Variants in BRD7 observed in about 807,000 individuals in gnomAD.
The protein encoded by BRD7 is bromodomain-containing protein 7.
Under a neutral mutation model 82.1 loss-of-function variants are expected in BRD7, and 15 were observed. The observed-to-expected ratio is 0.18, with a 90% CI of 0.12 to 0.28. The LOEUF (loss-of-function observed/expected upper bound fraction) is 0.28. BRD7 is among the 10% of genes least tolerant of loss of function. The probability of loss-of-function intolerance (pLI) is 1.00; values close to 1 mark genes in which losing one functional copy is unlikely to be tolerated. For missense variants in BRD7, 638 were observed against 779.9 expected, an observed-to-expected ratio of 0.82 and a Z score of 2.17; for synonymous variants, 232 against 266.9, an observed-to-expected ratio of 0.87 and a Z score of 1.27.
chr16:50,363,660 T>TGTGTGCGCGCGC (rs138025982), intron 2 of BRD7, among the ~76,000 whole-genome samples: 1 of 102,512 alleles, frequency 9.8e-6, no homozygotes, highest in South Asian at 2.9e-4. Flanking sequence ...TGTGTGTGTG[T>TGTGTGCGCGCGC]GCGCGCGCGC....
At chr16:50,341,928 T>TCACA (rs375793137) in intron 5 of BRD7, among the ~76,000 whole-genome samples, 10,232 of 143,504 alleles carry the variant, frequency 0.071, 569 homozygotes, top group African/African-American at 0.16. Context: ...TGCACACTTT[T>TCACA]CACACACACA....
chr16:50,342,931 AC>A (rs1241008802), intron 5 of BRD7, among the ~76,000 whole-genome samples: 3 of 152,166 alleles, frequency 2.0e-5, no homozygotes, highest in Non-Finnish European at 4.4e-5. Context: ...ATCAACACAC[AC>A]CAGGACACTC....
chr16:50,363,566 A>G (rs1221000253), intron 2 of BRD7, among the ~76,000 whole-genome samples: 1 of 152,236 alleles, frequency 6.6e-6, no homozygotes, highest in Non-Finnish European at 1.5e-5. Context: ...ATATAGTTAG[A>G]GCCTTCCTAC....
intron 12 of BRD7, 149 bp downstream of exon 12, chr16:50,323,438 C>T: frequency 4.9e-6 from 3 of 617,062 alleles, no homozygotes; most frequent in Middle Eastern, 4.6e-4. Flanking sequence ...GTTTATTGTC[C>T]ACCCGTGGCC....
chr16:50,320,631 G>C (rs1304735020), intron 14 of BRD7, 32 bp downstream of exon 14: 1 of 1,524,394 alleles, frequency 6.6e-7, no homozygotes, highest in Non-Finnish European at 9.1e-7. Flanking sequence ...ACATCATGCA[G>C]TGTTTCAATC....
At chr16:50,352,820 T>C (rs1010932095) in intron 4 of BRD7, among the ~76,000 whole-genome samples, 4 of 152,080 alleles carry the variant, frequency 2.6e-5, no homozygotes, top group South Asian at 2.1e-4. Flanking sequence ...TGTTGGCCAT[T>C]TGAATGTCTT....
intron 4 of BRD7, among the ~76,000 whole-genome samples, 179 bp downstream of exon 4, chr16:50,354,246 A>T (rs944292301): frequency 1.2e-4 from 18 of 152,244 alleles, no homozygotes; most frequent in African/African-American, 4.3e-4. Context: ...AGGGAAACAA[A>T]CCAAATAAAG....
At chr16:50,346,878 G>C (rs1444616388) in intron 5 of BRD7, among the ~76,000 whole-genome samples, 1 of 152,172 alleles carries the variant, frequency 6.6e-6, no homozygotes, top group Non-Finnish European at 1.5e-5. Flanking sequence ...CCAATCAATA[G>C]AAAAAGAGGG....
chr16:50,363,992 G>A (rs1314093147), intron 2 of BRD7, among the ~76,000 whole-genome samples: 1 of 151,524 alleles, frequency 6.6e-6, no homozygotes, highest in Non-Finnish European at 1.5e-5. Flanking sequence ...AAGTCCAGGA[G>A]TTTGAAGCTG....
intron 10 of BRD7, 150 bp from the exon 11 acceptor site, chr16:50,326,033 G>T: frequency 1.1e-6 from 1 of 890,992 alleles, no homozygotes; most frequent in Non-Finnish European, 1.7e-6. Flanking sequence ...ACAGGTACTT[G>T]TAAAGTTACA....
Position 50,326,066 on chromosome 16 carries a change from AAGGGAG to A in BRD7, c.1196-189_1196-184del, listed in dbSNP as rs771128281. 9.3e-4 allele frequency among the ~76,000 whole-genome samples: 141 copies of A among 152,216 alleles called. 1 individual carries two copies. The highest frequency in any genetic ancestry group is 1.5e-3 in the Non-Finnish European group (105 of 68,030). On this transcript the variant is annotated intron_variant, in intron 10 of 16. Coordinates refer to ENST00000394688, the MANE Select transcript of BRD7 (RefSeq NM_013263.5). ...ACAACTCAAGTGAATTCTTCCCTAC[AAGGGAG>A]AGGGAGAGGAACAAGAAAGAACAAA... is the stretch of plus-strand genomic sequence containing the variant.
chr16:50,354,817 T>G lies in BRD7; in HGVS notation c.364A>C (p.Thr122Pro). The G allele has an allele frequency of 1.2e-6, 2 of 1,612,202 alleles. No individual in the cohort carries two copies. The highest frequency in any genetic ancestry group is 1.7e-6 in the Non-Finnish European group (2 of 1,179,894). ...RLDLPPEKPL[T>P]SSLAKQEEVE... ...CCTTCTTGTTTGGCTAAAGAGCTTGTGAGAGGCTTCTCAGGAGGCAAGTCT... is the reference window on the plus strand; with the variant it reads ...CCTTCTTGTTTGGCTAAAGAGCTTGGGAGAGGCTTCTCAGGAGGCAAGTCT... The change falls in exon 3 of 17, where the codon ACA becomes CCA. Residue 122 changes from threonine (T) to proline (P), a missense_variant. Thr to Pro is a conservative substitution (Grantham distance 38). Transcript: ENST00000394688.
intron 13 of BRD7, among the ~76,000 whole-genome samples, chr16:50,321,629 C>T (rs1056905221): frequency 2.1e-5 from 3 of 142,066 alleles, no homozygotes; most frequent in African/African-American, 7.7e-5. Context: ...CATTAAGACT[C>T]AGGGGTTTCC....
chr16:50,334,411 A>C (rs913548845), intron 7 of BRD7, among the ~76,000 whole-genome samples: 3 of 152,222 alleles, frequency 2.0e-5, no homozygotes, highest in Admixed American at 6.5e-5. Context: ...TTAAACAAAC[A>C]GTTCTATTTA....
Position 50,335,924 on chromosome 16 carries a change from T to C in BRD7, c.703-1029A>G, listed in dbSNP as rs539653630. On this transcript the variant is annotated intron_variant, in intron 6 of 16. Transcript: ENST00000394688. ...TAATCTTAAAACCATTAAAGCGATC[T>C]ATTTTATTGTGGACAAATAAAAATA... is the stretch of plus-strand genomic sequence containing the variant. Among the ~76,000 whole-genome samples the C allele has an allele frequency of 2.0e-5, 3 of 152,336 alleles. No homozygotes were observed. In the South Asian group the frequency reaches 6.2e-4, roughly 32 times the overall value.
rs532204988 is a variant in BRD7, at chr16:50,363,682, T to C, written c.258+4408A>G. Among the ~76,000 whole-genome samples the C allele has an allele frequency of 7.1e-3, 1,044 of 146,866 alleles. 13 individuals carry two copies. The highest frequency in any genetic ancestry group is 0.025 in the African/African-American group (993 of 40,128). On this transcript the variant is annotated intron_variant, in intron 2 of 16. Coordinates refer to ENST00000394688, the MANE Select transcript of BRD7 (RefSeq NM_013263.5). The stretch of plus-strand genomic sequence containing the variant: ...GTGTGCGCGCGCGCGCGTGCGCGTG[T>C]GCTTCCCCCAACTTTATCTTATTTT...
At chr16:50,337,911 G>A (rs897848642) in intron 6 of BRD7, among the ~76,000 whole-genome samples, 1 of 151,998 alleles carries the variant, frequency 6.6e-6, no homozygotes. Context: ...GAAAGAAAGA[G>A]GGAGAGAGGG....
At chr16:50,351,435 C>T (rs895889099) in intron 4 of BRD7, among the ~76,000 whole-genome samples, 1 of 152,184 alleles carries the variant, frequency 6.6e-6, no homozygotes, top group African/African-American at 2.4e-5. Flanking sequence ...CAGGAGTTAC[C>T]GTAACGGCAG....
intron 1 of BRD7, 155 bp from the exon 2 acceptor site, chr16:50,368,453 G>C (rs1186258223): frequency 5.5e-6 from 5 of 903,136 alleles, no homozygotes; most frequent in Non-Finnish European, 8.1e-6. Context: ...CCGGCCCGGG[G>C]GTGCGGCGGC....
Sources: allele counts gnomAD v4.1 joint callset (sites outside exome capture counted in the v4.1 genomes callset), GRCh38; gene constraint gnomAD v4.1.1; transcripts MANE v1.5; gene names NCBI Gene and HGNC (gene_info 2026-07-23, HGNC 2026-07-21).